The following GSK3B variants were observed in gnomAD, a reference collection of about 807,000 sequenced individuals.
The protein encoded by GSK3B is glycogen synthase kinase 3 beta, also known as glycogen synthase kinase-3 beta.
In GSK3B, 15 loss-of-function variants were observed where a neutral mutation model predicts 56.4. The observed-to-expected ratio is 0.27, with a 90% CI of 0.18 to 0.41. The LOEUF (loss-of-function observed/expected upper bound fraction) is 0.41. Ranked by LOEUF, GSK3B falls within the 10% of genes least tolerant of loss-of-function variation. The pLI is 1.00. For missense variants in GSK3B, 300 were observed against 513.4 expected (o/e 0.58, Z 4.02); for synonymous variants, 181 against 188.9 (o/e 0.96, Z 0.34).
intron 4 of GSK3B, among the ~76,000 whole-genome samples, chr3:119,921,834 A>G (rs1645044520): frequency 6.6e-6 from 1 of 152,170 alleles, no homozygotes; most frequent in Non-Finnish European, 1.5e-5. Flanking sequence ...TAATTTAATT[A>G]CATTTTAAAA....
intron 2 of GSK3B, among the ~76,000 whole-genome samples, chr3:119,957,250 C>G (rs2057223140): frequency 6.6e-6 from 1 of 152,074 alleles, no homozygotes; most frequent in African/African-American, 2.4e-5. Flanking sequence ...AACATACTGC[C>G]TAGGTAGGCT....
At chr3:119,989,616 G>A (rs999357085) in intron 2 of GSK3B, among the ~76,000 whole-genome samples, 3 of 150,790 alleles carry the variant, frequency 2.0e-5, no homozygotes, top group Non-Finnish European at 4.4e-5. Flanking sequence ...CTGTACTCCA[G>A]TCTGGGTGAC....
chr3:119,873,846 T>A (rs185485128), intron 8 of GSK3B, among the ~76,000 whole-genome samples: 2 of 152,248 alleles, frequency 1.3e-5, no homozygotes, highest in East Asian at 3.9e-4. Flanking sequence ...AATGCATGTG[T>A]ATGAAGTGAA....
At chr3:119,947,039 T>A (rs977601493) in intron 3 of GSK3B, among the ~76,000 whole-genome samples, 1 of 152,272 alleles carries the variant, frequency 6.6e-6, no homozygotes, top group African/African-American at 2.4e-5. Flanking sequence ...AAGACATACT[T>A]TAACAAAGAA....
At chr3:119,866,038 G>C (rs999215301) in intron 8 of GSK3B, among the ~76,000 whole-genome samples, 4 of 152,130 alleles carry the variant, frequency 2.6e-5, no homozygotes, top group African/African-American at 9.7e-5. Context: ...TCAGTACTCT[G>C]TGAATAAAGG....
chr3:119,833,687 G>GTT (rs1162358136), intron 10 of GSK3B, among the ~76,000 whole-genome samples: 1,869 of 133,110 alleles, frequency 0.014, 79 homozygotes, highest in African/African-American at 0.052. Context: ...GAAACATTAG[G>GTT]TTGTTTTTTT....
At chr3:120,046,896 C>T (rs2058108466) in intron 1 of GSK3B, among the ~76,000 whole-genome samples, 1 of 152,158 alleles carries the variant, frequency 6.6e-6, no homozygotes, top group Admixed American at 6.5e-5. Flanking sequence ...TGGGTGTGAG[C>T]CACCGCTCCC....
At chr3:119,917,900 CAA>C (rs2056797503) in intron 4 of GSK3B, among the ~76,000 whole-genome samples, 1 of 151,990 alleles carries the variant, frequency 6.6e-6, no homozygotes, top group Non-Finnish European at 1.5e-5. Flanking sequence ...ATAGCAAAAA[CAA>C]GAACAGAAAA....
chr3:119,893,911 T>C (rs1280107468), intron 7 of GSK3B, among the ~76,000 whole-genome samples: 2 of 151,986 alleles, frequency 1.3e-5, no homozygotes, highest in Non-Finnish European at 2.9e-5. Context: ...TCATGTATCA[T>C]GAAACCCACC....
chr3:119,946,098 A>AG (rs1315918905), intron 3 of GSK3B, among the ~76,000 whole-genome samples: 18 of 151,838 alleles, frequency 1.2e-4, no homozygotes, highest in African/African-American at 3.6e-4. Context: ...AAAAAAAAAA[A>AG]GCAACTGAAA....
At position 119,823,442 on chromosome 3, in the gene GSK3B, T is replaced by C. The variant is rs184049790; in HGVS notation, c.*3346A>G. The stretch of plus-strand genomic sequence containing the variant: ...AGACCACTGACGTATCAAAACCTGA[T>C]ACTATTAAGAAACTTCGATTTATAA... On this transcript the variant is annotated 3_prime_UTR_variant, in exon 11 of 11. Coordinates refer to ENST00000264235, the MANE Select transcript of GSK3B (RefSeq NM_001146156.2). The C allele has an allele frequency of 3.6e-3, 713 of 197,764 alleles. 5 individuals carry two copies. The highest frequency in any genetic ancestry group is 0.015 in the African/African-American group (667 of 43,476). 12.3% of individuals were successfully genotyped at this position (197,764 alleles called of 1,614,324 possible). A position where few individuals can be genotyped will look rare whatever the true frequency, so the allele number is the denominator to read the frequency against.
At chr3:119,847,169 A>G (rs951634956) in intron 9 of GSK3B, among the ~76,000 whole-genome samples, 1 of 152,178 alleles carries the variant, frequency 6.6e-6, no homozygotes, top group African/African-American at 2.4e-5. Context: ...GGATAGCATT[A>G]GGAGAAATAC....
chr3:119,891,525 A>G (rs1188345761), intron 7 of GSK3B, among the ~76,000 whole-genome samples: 1 of 152,154 alleles, frequency 6.6e-6, no homozygotes, highest in Non-Finnish European at 1.5e-5. Flanking sequence ...GAATAATTTT[A>G]TAGATAAAAA....
At chr3:120,021,135 A>G (rs1257097900) in intron 1 of GSK3B, among the ~76,000 whole-genome samples, 2 of 152,312 alleles carry the variant, frequency 1.3e-5, no homozygotes, top group Admixed American at 6.5e-5. Context: ...TAGAAGCTGT[A>G]GCAAGTTATC....
intron 1 of GSK3B, among the ~76,000 whole-genome samples, chr3:120,087,900 GT>G (rs561551585): frequency 1.4e-5 from 2 of 147,946 alleles, no homozygotes; most frequent in Non-Finnish European, 1.5e-5. Flanking sequence ...CTTTTGTTTT[GT>G]TTTTTTTTTG....
intron 1 of GSK3B, among the ~76,000 whole-genome samples, chr3:120,066,240 C>T (rs1036545757): frequency 6.6e-6 from 1 of 152,110 alleles, no homozygotes; most frequent in Admixed American, 6.5e-5. Context: ...CTAAATACTA[C>T]TCCCCACTAA....
At chr3:120,082,627 C>G (rs535290228) in intron 1 of GSK3B, among the ~76,000 whole-genome samples, 25 of 151,932 alleles carry the variant, frequency 1.6e-4, no homozygotes, top group African/African-American at 5.3e-4. Context: ...AACTCCTGAC[C>G]TCGTGATCCA....
intron 1 of GSK3B, among the ~76,000 whole-genome samples, chr3:120,089,146 A>G (rs964621877): frequency 6.6e-6 from 1 of 152,218 alleles, no homozygotes; most frequent in Non-Finnish European, 1.5e-5. Context: ...AAATGAGAAG[A>G]TGTCACCTCA....
chr3:119,984,398 A>C (rs76834626), intron 2 of GSK3B, among the ~76,000 whole-genome samples: 4,022 of 151,324 alleles, frequency 0.027, 187 homozygotes, highest in African/African-American at 0.09. Context: ...AAAACCTTAA[A>C]AAAAAAAAAA....
Sources: allele counts gnomAD v4.1 joint callset (sites outside exome capture counted in the v4.1 genomes callset), GRCh38; gene constraint gnomAD v4.1.1; transcripts MANE v1.5; gene names NCBI Gene and HGNC (gene_info 2026-07-23, HGNC 2026-07-21).